The following FAM186A variants were observed in gnomAD, a reference collection of about 807,000 sequenced individuals.
FAM186A encodes the protein family with sequence similarity 186 member A, also known as protein FAM186A.
In FAM186A, 163 loss-of-function variants were observed where a neutral mutation model predicts 216.8. That is an observed-to-expected ratio of 0.75 (90% CI 0.66 to 0.86). FAM186A has a LOEUF of 0.86. Ranked by LOEUF, FAM186A falls within the 40% of genes least tolerant of loss-of-function variation. FAM186A has a pLI of 0.00. For synonymous variants in FAM186A, 805 were observed against 1,025.3 expected, an observed-to-expected ratio of 0.79 and a Z score of 4.10; for missense variants, 2,184 against 2,746.2, an observed-to-expected ratio of 0.80 and a Z score of 4.58.
At chr12:50,328,128 A>G (rs1210481081) in intron 7 of FAM186A, among the ~76,000 whole-genome samples, 1 of 152,224 alleles carries the variant, frequency 6.6e-6, no homozygotes, top group Non-Finnish European at 1.5e-5. Flanking sequence ...TAAATATACA[A>G]AGTACTTCAA....
intron 4 of FAM186A, among the ~76,000 whole-genome samples, chr12:50,349,157 C>T (rs1032586824): frequency 7.9e-5 from 12 of 151,800 alleles, no homozygotes; most frequent in Non-Finnish European, 1.6e-4. Context: ...ACCCATTAAC[C>T]ATCCCTACTT....
At chr12:50,364,171 G>A (rs1039025664) in intron 1 of FAM186A, among the ~76,000 whole-genome samples, 10 of 152,026 alleles carry the variant, frequency 6.6e-5, no homozygotes, top group African/African-American at 2.4e-4. Context: ...CTCAAATCCT[G>A]TGTGACTTTT....
chr12:50,327,829 G>GC (rs772836649), intron 7 of FAM186A, among the ~76,000 whole-genome samples: 7 of 152,108 alleles, frequency 4.6e-5, no homozygotes, highest in Non-Finnish European at 1.0e-4. Flanking sequence ...ACAGGTGTGA[G>GC]CCACTGTGCC....
chr12:50,379,538 T>C (rs1303666022), intron 1 of FAM186A, among the ~76,000 whole-genome samples: 1 of 142,494 alleles, frequency 7.0e-6, no homozygotes, highest in Non-Finnish European at 1.5e-5. Context: ...TGTAATCCCA[T>C]CACTTTGGGA....
intron 1 of FAM186A, among the ~76,000 whole-genome samples, chr12:50,383,602 GA>G (rs1181547503): frequency 2.0e-5 from 3 of 151,364 alleles, no homozygotes; most frequent in South Asian, 2.1e-4. Flanking sequence ...TCTCAAAAAA[GA>G]AAAAAAAGAA....
chr12:50,369,599 G>A lies in FAM186A; in HGVS notation c.193-6235C>T, dbSNP rs548219216. Among the ~76,000 whole-genome samples the A allele has an allele frequency of 2.4e-4, 37 of 152,100 alleles. No homozygotes were observed. The South Asian group carries it at 7.7e-3, about 32-fold the overall frequency. ...ATTGAAAAGTCAACCTAGGAAATGG[G>A]AGAAAATATTTGCAAATTGTATATC... On this transcript the variant is annotated intron_variant, in intron 1 of 7. Coordinates refer to ENST00000327337, the MANE Select transcript of FAM186A (RefSeq NM_001145475.3).
intron 1 of FAM186A, among the ~76,000 whole-genome samples, chr12:50,368,139 T>C (rs949790835): frequency 2.0e-5 from 3 of 151,942 alleles, no homozygotes; most frequent in Non-Finnish European, 2.9e-5. Context: ...AGAGCGACTC[T>C]GTCTCAAAAA....
intron 7 of FAM186A, among the ~76,000 whole-genome samples, chr12:50,330,309 T>C (rs1408753123): frequency 6.6e-6 from 1 of 152,198 alleles, no homozygotes. Flanking sequence ...CTATCTAGTG[T>C]TAGATTAGAT....
intron 1 of FAM186A, among the ~76,000 whole-genome samples, chr12:50,393,083 C>T (rs901752925): frequency 4.7e-5 from 7 of 149,186 alleles, no homozygotes; most frequent in Admixed American, 1.4e-4. Context: ...CCCGCCACCA[C>T]GCCCGGCTAA....
chr12:50,346,220 G>GAGAGAAGGAAAGAAATAAA (rs1555215373), intron 4 of FAM186A, among the ~76,000 whole-genome samples: 4 of 46,742 alleles, frequency 8.6e-5, no homozygotes, highest in Non-Finnish European at 1.5e-4. Flanking sequence ...AGAGAGAGAA[G>GAGAGAAGGAAAGAAATAAA]GAAAGAAAGA....
intron 2 of FAM186A, among the ~76,000 whole-genome samples, chr12:50,362,132 C>A (rs1943041778): frequency 6.6e-6 from 1 of 151,922 alleles, no homozygotes; most frequent in South Asian, 2.1e-4. Flanking sequence ...GCCGCCACAC[C>A]CAGCTAATTT....
chr12:50,346,241 G>GAAAGAAAGAAAGAAAGAAAGAAAGA (rs1179539771), intron 4 of FAM186A, among the ~76,000 whole-genome samples: 6 of 145,312 alleles, frequency 4.1e-5, no homozygotes, highest in African/African-American at 1.6e-4. Flanking sequence ...AAGAAAAAAA[G>GAAAGAAAGAAAGAAAGAAAGAAAGA]AAAGAAAGAA....
intron 2 of FAM186A, among the ~76,000 whole-genome samples, chr12:50,362,083 C>T (rs1038750876): frequency 2.6e-5 from 4 of 152,046 alleles, no homozygotes; most frequent in African/African-American, 9.7e-5. Context: ...AACAGTACAC[C>T]TGCCTCAGCC....
chr12:50,366,448 T>C (rs915361318), intron 1 of FAM186A, among the ~76,000 whole-genome samples: 1 of 151,948 alleles, frequency 6.6e-6, no homozygotes, highest in South Asian at 2.1e-4. Context: ...GAAAACTAAA[T>C]ACAAACATGC....
chr12:50,393,053 A>T (rs1340277140), intron 1 of FAM186A, among the ~76,000 whole-genome samples: 1 of 149,358 alleles, frequency 6.7e-6, no homozygotes, highest in Non-Finnish European at 1.5e-5. Flanking sequence ...CAGCCTCCCG[A>T]GTGGGTGGGA....
rs1159309765 is a variant in FAM186A at position 50,373,011 on chromosome 12, GAAAGAAAGA to G, written c.193-9656_193-9648del. Among the ~76,000 whole-genome samples, 5 of 106,226 alleles carry G rather than the reference GAAAGAAAGA, an allele frequency of 4.7e-5. No individual in the cohort carries two copies. The East Asian group carries it at 1.4e-3, about 31-fold the overall frequency. The allele number at this position is 106,226 out of a possible 152,430, so 69.7% of individuals were successfully genotyped here. A position where few individuals can be genotyped will look rare whatever the true frequency, so the allele number is the denominator to read the frequency against. ...GGAAGGAAGGAATGAAAGAAAGAAA[GAAAGAAAGA>G]AAGAAAGAAAGAAAGAAAGAAAGAA... is the stretch of plus-strand genomic sequence containing the variant. On this transcript the variant is annotated intron_variant, in intron 1 of 7. Coordinates refer to ENST00000327337, the MANE Select transcript of FAM186A (RefSeq NM_001145475.3).
chr12:50,367,681 A>C (rs1428378394), intron 1 of FAM186A, among the ~76,000 whole-genome samples: 2 of 71,986 alleles, frequency 2.8e-5, no homozygotes, highest in Non-Finnish European at 5.5e-5. Flanking sequence ...CTCTGTGTGC[A>C]TGTGCGTGCA....
chr12:50,369,983 G>A (rs1478439102), intron 1 of FAM186A, among the ~76,000 whole-genome samples: 1 of 151,814 alleles, frequency 6.6e-6, no homozygotes, highest in Non-Finnish European at 1.5e-5. Context: ...AATTAGCCGG[G>A]CGTGGTGGTG....
chr12:50,346,377 A>T (rs957982219), intron 4 of FAM186A, among the ~76,000 whole-genome samples: 2 of 151,902 alleles, frequency 1.3e-5, no homozygotes, highest in Non-Finnish European at 2.9e-5. Context: ...GATTACAGGC[A>T]CACACCACCA....
Sources: gnomAD v4.1 joint callset for allele counts (sites outside exome capture counted in the v4.1 genomes callset) on GRCh38, gnomAD v4.1.1 for gene constraint, MANE v1.5 for transcripts, NCBI Gene and HGNC (gene_info 2026-07-23, HGNC 2026-07-21) for gene names.